Variants in TAFA4 observed in about 807,000 individuals in gnomAD.
The protein encoded by TAFA4 is chemokine-like protein TAFA-4.
Under a neutral mutation model 21.1 loss-of-function variants are expected in TAFA4, and 20 were observed. That is an observed-to-expected ratio of 0.95 (90% CI 0.67 to 1.38). The LOEUF is 1.38. Among genes scored for constraint, TAFA4 ranks in the 40% most tolerant of loss-of-function variants. The probability of loss-of-function intolerance (pLI) is 0.00; values close to 1 mark genes in which losing one functional copy is unlikely to be tolerated. For synonymous variants in TAFA4, 71 were observed against 67.4 expected, an observed-to-expected ratio of 1.05 and a Z score of -0.26; for missense variants, 211 against 180.9, an observed-to-expected ratio of 1.17 and a Z score of -0.95.
At position 68,821,615 on chromosome 3, in the gene TAFA4, C is replaced by CT. The variant is rs201851066; in HGVS notation, c.130+59114dup. ...ACCCGCCTCGGCCTCCCAAAGTGTGCTTTTTTTTTTTTTAAGAGAAAACAA... is the reference window on the plus strand; with the variant it reads ...ACCCGCCTCGGCCTCCCAAAGTGTGCTTTTTTTTTTTTTTAAGAGAAAACAA... On this transcript the variant is annotated intron_variant, in intron 3 of 5. Coordinates refer to ENST00000295569, the MANE Select transcript of TAFA4 (RefSeq NM_182522.5). Among the ~76,000 whole-genome samples the CT allele has an allele frequency of 8.5e-3, 902 of 106,424 alleles. 316 individuals are homozygous for CT. Among genetic ancestry groups the CT allele is most frequent in the African/African-American group, 0.028 (677 of 24,552 alleles). 69.8% of individuals were successfully genotyped at this position (106,424 alleles called of 152,430 possible).
chr3:68,783,707 GAAAGAA>G (rs1559519712), intron 3 of TAFA4, among the ~76,000 whole-genome samples: 1 of 61,242 alleles, frequency 1.6e-5, no homozygotes, highest in African/African-American at 6.6e-5. Flanking sequence ...GAGAGAGAGA[GAAAGAA>G]AAAGAAAGAA....
chr3:68,823,802 A>C (rs533390950), intron 3 of TAFA4, among the ~76,000 whole-genome samples: 6 of 152,356 alleles, frequency 3.9e-5, no homozygotes, highest in African/African-American at 1.4e-4. Flanking sequence ...TTATGGCTGC[A>C]TAGTATGCCC....
intron 1 of TAFA4, among the ~76,000 whole-genome samples, chr3:68,904,329 G>A (rs925466015): frequency 3.3e-5 from 5 of 152,172 alleles, no homozygotes; most frequent in African/African-American, 4.8e-5. Flanking sequence ...GAAGGAAACC[G>A]GGAGAGCCAT....
chr3:68,786,713 A>C (rs1703269254), intron 3 of TAFA4, among the ~76,000 whole-genome samples: 1 of 152,212 alleles, frequency 6.6e-6, no homozygotes, highest in Non-Finnish European at 1.5e-5. Context: ...CAGATGCACG[A>C]AAGTGATTTG....
intron 3 of TAFA4, among the ~76,000 whole-genome samples, chr3:68,801,706 C>A (rs967705493): frequency 6.6e-6 from 1 of 152,100 alleles, no homozygotes; most frequent in Non-Finnish European, 1.5e-5. Flanking sequence ...GGCCAAACTG[C>A]AAAATCAAGG....
rs150919824 is a variant in TAFA4 at position 68,856,061 on chromosome 3, C to T, written c.130+24669G>A. ...GAGTGTGGATCCTTAATATTTGTACCAGTTCTGGACTACCCGTCCAGAGCT... is the reference window on the plus strand; with the variant it reads ...GAGTGTGGATCCTTAATATTTGTACTAGTTCTGGACTACCCGTCCAGAGCT... On this transcript the variant is annotated intron_variant, in intron 3 of 5. Transcript: ENST00000295569. 4.0e-3 allele frequency among the ~76,000 whole-genome samples: 611 copies of T among 151,844 alleles called. 4 individuals are homozygous for T. The highest frequency in any genetic ancestry group is 0.014 in the African/African-American group (590 of 41,394).
chr3:68,752,766 T>A, intron 4 of TAFA4, 97 bp downstream of exon 4: 1 of 1,474,516 alleles, frequency 6.8e-7, no homozygotes, highest in Non-Finnish European at 9.4e-7. Context: ...AAAGCAACCC[T>A]AGGTTTCTTT....
intron 1 of TAFA4, among the ~76,000 whole-genome samples, chr3:68,924,613 C>T (rs1018539817): frequency 6.6e-6 from 1 of 152,150 alleles, no homozygotes; most frequent in African/African-American, 2.4e-5. Flanking sequence ...CACTTGAAAA[C>T]GGTTAAAATG....
chr3:68,874,413 C>G (rs571325026), intron 3 of TAFA4, among the ~76,000 whole-genome samples: 2 of 152,236 alleles, frequency 1.3e-5, no homozygotes, highest in South Asian at 4.2e-4. Context: ...TGCCCCGTCT[C>G]TACCCCTGCT....
At chr3:68,828,823 A>G (rs1053209770) in intron 3 of TAFA4, among the ~76,000 whole-genome samples, 1 of 152,114 alleles carries the variant, frequency 6.6e-6, no homozygotes, top group African/African-American at 2.4e-5. Flanking sequence ...TCATGTGCAA[A>G]CAGAGACAAT....
At chr3:68,913,896 A>G (rs1575670769) in intron 1 of TAFA4, among the ~76,000 whole-genome samples, 1 of 152,222 alleles carries the variant, frequency 6.6e-6, no homozygotes, top group East Asian at 1.9e-4. Flanking sequence ...AACCCAATTA[A>G]GTGTGTTAAT....
At chr3:68,771,315 T>C (rs943211448) in intron 3 of TAFA4, among the ~76,000 whole-genome samples, 4 of 152,154 alleles carry the variant, frequency 2.6e-5, no homozygotes, top group African/African-American at 7.2e-5. Flanking sequence ...GACAGAAAAG[T>C]TGAAAGAACA....
At chr3:68,764,771 C>T (rs542335393) in intron 3 of TAFA4, among the ~76,000 whole-genome samples, 4 of 152,164 alleles carry the variant, frequency 2.6e-5, no homozygotes, top group Non-Finnish European at 5.9e-5. Context: ...GAGAGGAAAT[C>T]AAATGAAGTG....
At chr3:68,839,819 A>C (rs1301074056) in intron 3 of TAFA4, among the ~76,000 whole-genome samples, 1 of 152,186 alleles carries the variant, frequency 6.6e-6, no homozygotes, top group Non-Finnish European at 1.5e-5. Context: ...AACTTGATAA[A>C]CTGGCTAGAA....
In TAFA4 at chr3:68,880,746, G is replaced by T; in HGVS notation, c.114C>A (p.His38Gln). The T allele has an allele frequency of 6.2e-7, 1 of 1,613,970 alleles. No individual in the cohort carries two copies. The highest frequency in any genetic ancestry group is 8.5e-7 in the Non-Finnish European group (1 of 1,179,952). The change falls in exon 3 of 6, where the codon CAC becomes CAA. Residue 38 changes from histidine to glutamine, a missense_variant. His to Gln is a conservative substitution (Grantham distance 24). Transcript: ENST00000295569. ...AGGGCTTACCTGCATGTCCCCGGAG[G>T]TGCTGGCTTGAGGCGGACATCAGCT... is the stretch of plus-strand genomic sequence containing the variant. ...CCKLMSASSQ[H>Q]LRGHAGHHQI...
intron 1 of TAFA4, among the ~76,000 whole-genome samples, chr3:68,887,288 G>A (rs1386091044): frequency 6.6e-6 from 1 of 152,188 alleles, no homozygotes; most frequent in Non-Finnish European, 1.5e-5. Context: ...TGTATGTCCT[G>A]CATCCTGGAC....
intron 5 of TAFA4, among the ~76,000 whole-genome samples, chr3:68,737,211 C>T (rs925165347): frequency 4.6e-5 from 7 of 152,028 alleles, no homozygotes; most frequent in Admixed American, 1.3e-4. Context: ...TACCCTAATT[C>T]GTGGGCTACT....
intron 3 of TAFA4, among the ~76,000 whole-genome samples, chr3:68,840,183 A>G (rs542754642): frequency 6.6e-6 from 1 of 152,112 alleles, no homozygotes; most frequent in East Asian, 1.9e-4. Flanking sequence ...AGGTGTTGGC[A>G]CTTTTGGTTG....
chr3:68,848,492 A>G (rs1481593843), intron 3 of TAFA4, among the ~76,000 whole-genome samples: 1 of 152,198 alleles, frequency 6.6e-6, no homozygotes, highest in South Asian at 2.1e-4. Context: ...TCTTAAATCA[A>G]TATAGTAAAA....
Sources: allele counts gnomAD v4.1 joint callset (sites outside exome capture counted in the v4.1 genomes callset), GRCh38; gene constraint gnomAD v4.1.1; transcripts MANE v1.5; gene names NCBI Gene and HGNC (gene_info 2026-07-23, HGNC 2026-07-21).